The following CD8B2 variants were observed in gnomAD, a reference collection of about 807,000 sequenced individuals.
CD8B2 encodes CD8B family member 2.
In CD8B2, 11 loss-of-function variants were observed where a neutral mutation model predicts 23.7. The observed-to-expected ratio is 0.46, with a 90% CI of 0.29 to 0.77. The LOEUF is 0.77. Among genes scored for constraint, CD8B2 ranks in the 30% least tolerant of loss-of-function variants. CD8B2 has a pLI of 0.09. For synonymous variants in CD8B2, 90 were observed against 109.3 expected (o/e 0.82, Z 1.10); for missense variants, 197 against 270.5 (o/e 0.73, Z 1.91).
chr2:106,511,113 T>C (rs1248194189), downstream of CD8B2: 1 of 152,178 alleles, frequency 6.6e-6, no homozygotes, highest in Non-Finnish European at 1.5e-5. Context: ...TAATAAGAAG[T>C]TGGAATCAAT....
Position 106,491,105 on chromosome 2 carries a change from T to C in CD8B2, c.275T>C (p.Val92Ala), listed in dbSNP as rs1679187657. 1 of 1,613,902 alleles carries C rather than the reference T, an allele frequency of 6.2e-7. No individual in the cohort carries two copies. The highest frequency in any genetic ancestry group is 8.5e-7 in the Non-Finnish European group (1 of 1,179,792). ...GEEVEQEKIA[V>A]FRDASRFILN... Reference sequence around the variant, plus strand: ...GAGGTGGAACAGGAGAAGATAGCTGTGTTTCGGGATGCAAGCCGGTTCATT... The same window carrying C: ...GAGGTGGAACAGGAGAAGATAGCTGCGTTTCGGGATGCAAGCCGGTTCATT... Residue 92 changes from valine to alanine, a missense_variant, in exon 2 of 6, where the codon GTG becomes GCG. Val to Ala is a moderately conservative substitution (Grantham distance 64). This residue lies in a region of CD8B2 where 140 missense variants were observed against 164.2 expected (regional missense o/e 0.85). Coordinates refer to ENST00000643224, the MANE Select transcript of CD8B2 (RefSeq NM_001349727.2).
At chr2:106,500,268 C>A (rs1679378203) in intron 3 of CD8B2, among the ~76,000 whole-genome samples, 1 of 137,954 alleles carries the variant, frequency 7.2e-6, no homozygotes, top group Non-Finnish European at 1.6e-5. Flanking sequence ...CCTGTAATCC[C>A]AGCACTTTGG....
At chr2:106,496,005 C>T (rs1679292429) in intron 2 of CD8B2, among the ~76,000 whole-genome samples, 168 bp from the exon 3 acceptor site, 1 of 151,974 alleles carries the variant, frequency 6.6e-6, no homozygotes, top group African/African-American at 2.4e-5. Context: ...CACCATGTTG[C>T]CCAGGCTGGT....
At chr2:106,505,400 A>G (rs1035170860) in intron 5 of CD8B2, among the ~76,000 whole-genome samples, 5 of 152,032 alleles carry the variant, frequency 3.3e-5, no homozygotes, top group Non-Finnish European at 7.4e-5. Flanking sequence ...ACAGCCAGCA[A>G]GTCACTTCAT....
downstream of CD8B2, among the ~76,000 whole-genome samples, chr2:106,511,780 G>C (rs1490988469): frequency 6.6e-6 from 1 of 152,140 alleles, no homozygotes; most frequent in East Asian, 1.9e-4. Flanking sequence ...GACACTCCCG[G>C]GGAACCGTGA....
intron 5 of CD8B2, among the ~76,000 whole-genome samples, chr2:106,532,983 T>C (rs941088561): frequency 6.6e-6 from 1 of 152,142 alleles, no homozygotes; most frequent in Non-Finnish European, 1.5e-5. Flanking sequence ...CCTCTGACAT[T>C]GGCACCAGAG....
chr2:106,522,874 C>T (rs1679848335), intron 5 of CD8B2, among the ~76,000 whole-genome samples: 1 of 152,172 alleles, frequency 6.6e-6, no homozygotes, highest in Admixed American at 6.5e-5. Context: ...GGCAATCATT[C>T]CGTCAGGGGC....
intron 5 of CD8B2, among the ~76,000 whole-genome samples, chr2:106,524,166 C>T (rs1418500845): frequency 6.6e-6 from 1 of 152,096 alleles, no homozygotes; most frequent in African/African-American, 2.4e-5. Context: ...TTCCCACTAG[C>T]CTGACATAAT....
chr2:106,525,902 T>C (rs1679899582), intron 5 of CD8B2, among the ~76,000 whole-genome samples: 1 of 152,192 alleles, frequency 6.6e-6, no homozygotes, highest in African/African-American at 2.4e-5. Context: ...AATTTGTCAA[T>C]TGATTTATCT....
At chr2:106,521,023 GGAGAGAGAGA>G (rs70953586) in intron 5 of CD8B2, among the ~76,000 whole-genome samples, 1 of 130,418 alleles carries the variant, frequency 7.7e-6, no homozygotes, top group East Asian at 2.3e-4. Context: ...ATGTTTTAAG[GGAGAGAGAGA>G]GAGAGAGAGA....
intron 3 of CD8B2, among the ~76,000 whole-genome samples, chr2:106,497,406 A>T (rs1157888645): frequency 1.3e-5 from 2 of 152,228 alleles, no homozygotes; most frequent in Non-Finnish European, 2.9e-5. Context: ...GCTGGAGTGT[A>T]CGCACATACA....
intron 5 of CD8B2, among the ~76,000 whole-genome samples, chr2:106,523,339 G>A (rs1679857612): frequency 6.6e-6 from 1 of 152,182 alleles, no homozygotes; most frequent in South Asian, 2.1e-4. Context: ...AGTAGACAAA[G>A]CCCAACCAAA....
rs1194799149 is a variant in CD8B2 at position 106,510,756 on chromosome 2, GTTTC to G, written c.*3819_*3822del. 1 of 151,962 alleles carries G rather than the reference GTTTC, an allele frequency of 6.6e-6. No individual in the cohort carries two copies. Among genetic ancestry groups the G allele is most frequent in the Admixed American group, 6.6e-5 (1 of 15,260 alleles). The allele number at this position is 151,962 out of a possible 1,614,324, so 9.4% of individuals were successfully genotyped here. A position where few individuals can be genotyped will look rare whatever the true frequency, so the allele number is the denominator to read the frequency against. On this transcript the variant is annotated 3_prime_UTR_variant, in exon 6 of 6. Coordinates refer to ENST00000643224, the MANE Select transcript of CD8B2 (RefSeq NM_001349727.2). The stretch of plus-strand genomic sequence containing the variant: ...CAAAAATAAATTTTTTCTAAAAAAA[GTTTC>G]TTGTTTTTTTTTCTTCCCATATTTT...
chr2:106,494,564 G>C (rs998594186), intron 2 of CD8B2, among the ~76,000 whole-genome samples: 2 of 151,782 alleles, frequency 1.3e-5, no homozygotes, highest in African/African-American at 4.8e-5. Flanking sequence ...TCAGTGCAGA[G>C]AGATCTGTTT....
intron 3 of CD8B2, among the ~76,000 whole-genome samples, chr2:106,497,455 T>C (rs1424595940): frequency 6.6e-6 from 1 of 152,176 alleles, no homozygotes; most frequent in Non-Finnish European, 1.5e-5. Flanking sequence ...CACGCTTTCC[T>C]TAAACCCATC....
At chr2:106,514,826 CA>C (rs1679703041), downstream of CD8B2, among the ~76,000 whole-genome samples, 1 of 151,852 alleles carries the variant, frequency 6.6e-6, no homozygotes, top group African/African-American at 2.4e-5. Flanking sequence ...ACCTCTACAC[CA>C]AAATCTTTTT....
chr2:106,541,111 G>C (rs1680165789), intron 5 of CD8B2, among the ~76,000 whole-genome samples: 1 of 152,144 alleles, frequency 6.6e-6, no homozygotes, highest in South Asian at 2.1e-4. Flanking sequence ...GCAGAGGAAG[G>C]CAGGCAGGTG....
chr2:106,526,712 G>A (rs1051142902), intron 5 of CD8B2, among the ~76,000 whole-genome samples: 2 of 152,120 alleles, frequency 1.3e-5, no homozygotes, highest in Non-Finnish European at 2.9e-5. Flanking sequence ...GTGCAATGGT[G>A]TGATCTCGGC....
At position 106,510,906 on chromosome 2, in the gene CD8B2, C is replaced by T. The variant is rs1213944403; in HGVS notation, c.*3966C>T. 6.6e-6 allele frequency: 1 copy of T among 151,968 alleles called. No individual in the cohort carries two copies. Among genetic ancestry groups the T allele is most frequent in the Admixed American group, 6.6e-5 (1 of 15,260 alleles). 9.4% of individuals were successfully genotyped at this position (151,968 alleles called of 1,614,324 possible). ...TTTCTCTAATAATAAATCAAGGCCT[C>T]CGGGTATATTTGTTTGTATATGTAC... On this transcript the variant is annotated 3_prime_UTR_variant, in exon 6 of 6. Coordinates refer to ENST00000643224, the MANE Select transcript of CD8B2 (RefSeq NM_001349727.2).
Sources: allele counts gnomAD v4.1 joint callset (sites outside exome capture counted in the v4.1 genomes callset), GRCh38; gene constraint gnomAD v4.1.1; regional missense constraint gnomAD v4.1.1; transcripts MANE v1.5; gene names NCBI Gene and HGNC (gene_info 2026-07-23, HGNC 2026-07-21).